BRWD1: variants seen among roughly 807,000 people sequenced by gnomAD.
BRWD1 encodes bromodomain and WD repeat-containing protein 1.
A neutral mutation model predicts 251.2 loss-of-function variants in BRWD1; 82 were observed. That is an observed-to-expected ratio of 0.33 (90% CI 0.27 to 0.39). The LOEUF (loss-of-function observed/expected upper bound fraction) is 0.39. Among genes scored for constraint, BRWD1 ranks in the 10% least tolerant of loss-of-function variants. BRWD1 has a pLI of 1.00. For synonymous variants in BRWD1, 918 were observed against 902.8 expected, an observed-to-expected ratio of 1.02 and a Z score of -0.30; for missense variants, 2,233 against 2,711.6, an observed-to-expected ratio of 0.82 and a Z score of 3.92.
At position 39,210,073 on chromosome 21, in the gene BRWD1, G is replaced by C; in HGVS notation, c.4119C>G (p.Asp1373Glu). 1 of 1,613,474 alleles carries C rather than the reference G, an allele frequency of 6.2e-7. No individual in the cohort carries two copies. Among genetic ancestry groups the C allele is most frequent in the Non-Finnish European group, 8.5e-7 (1 of 1,179,550 alleles). Residue 1373 changes from aspartate to glutamate, a missense_variant, in exon 36 of 41, where the codon GAC (aspartate) becomes GAG (glutamate). Around this residue, in one of 12 missense-constraint regions of BRWD1, gnomAD observed 69 missense variants for 101.6 expected, o/e 0.68. Coordinates refer to ENST00000342449, the MANE Select transcript of BRWD1 (RefSeq NM_033656.4). ...TGTCTTTGCAAAACTCCAAAGGGCT[G>C]TCATAATTTCCCGCATCTAGAGTTT... is the stretch of plus-strand genomic sequence containing the variant. ...VRETLDAGNY[D>E]SPLEFCKDIR...
rs1336594189 is a variant in BRWD1 at position 39,228,537 on chromosome 21, T to C, written c.3171A>G (p.Gln1057=). The C allele has an allele frequency of 1.9e-6, 3 of 1,613,338 alleles. No homozygotes were observed. Among genetic ancestry groups the C allele is most frequent in the Non-Finnish European group, 2.5e-6 (3 of 1,179,628 alleles). ...TCCTCTGTCTTGCTTCATCATAAAA[T>C]TGACGCAATACAAGAAAGTCAATAA... is the stretch of plus-strand genomic sequence containing the variant. ...PDVIDFLVLR[Q]FYDEARQRNW... is the part of the protein sequence containing the mutation. The change falls in exon 27 of 41, where the codon CAA becomes CAG. Residue 1057 remains glutamine (Q), a synonymous_variant. Coordinates refer to ENST00000342449, the MANE Select transcript of BRWD1 (RefSeq NM_033656.4).
At chr21:39,272,273 G>A (rs185153476) in intron 13 of BRWD1, among the ~76,000 whole-genome samples, 140 of 145,954 alleles carry the variant, frequency 9.6e-4, no homozygotes, top group African/African-American at 3.4e-3. Context: ...TAACTAACCT[G>A]CACATTGTGC....
chr21:39,261,357 C>T (rs1295168527), intron 17 of BRWD1, among the ~76,000 whole-genome samples: 4 of 152,130 alleles, frequency 2.6e-5, no homozygotes, highest in Non-Finnish European at 4.4e-5. Flanking sequence ...AGTTCAAGTT[C>T]GCAGGAGCCA....
At chr21:39,221,366 A>G (rs377645981) in intron 29 of BRWD1, among the ~76,000 whole-genome samples, 3 of 152,194 alleles carry the variant, frequency 2.0e-5, no homozygotes, top group Non-Finnish European at 4.4e-5. Flanking sequence ...AGCATAGCTA[A>G]TATTTCATAA....
Position 39,192,603 on chromosome 21 carries a change from A to T in BRWD1, c.*3656T>A. ...TAAGAAAACTACAGTATTTGGTGAC[A>T]ACTGCAAGATACCTGATAAATAAAT... On this transcript the variant is annotated 3_prime_UTR_variant, in exon 41 of 41. Transcript: ENST00000342449. 1 of 984,314 alleles carries T rather than the reference A, an allele frequency of 1.0e-6. No individual in the cohort carries two copies. Among genetic ancestry groups the T allele is most frequent in the Non-Finnish European group, 1.2e-6 (1 of 828,966 alleles). 61.0% of individuals were successfully genotyped at this position (984,314 alleles called of 1,614,324 possible).
chr21:39,283,746 G>A (rs946424345), intron 8 of BRWD1, among the ~76,000 whole-genome samples: 3 of 152,080 alleles, frequency 2.0e-5, no homozygotes, highest in Non-Finnish European at 4.4e-5. Context: ...TTTCTAAATA[G>A]CAACATTTCA....
chr21:39,318,463 A>G (rs1295936186), upstream of BRWD1, among the ~76,000 whole-genome samples: 1 of 152,190 alleles, frequency 6.6e-6, no homozygotes, highest in Non-Finnish European at 1.5e-5. Context: ...TGTACACACA[A>G]CATCAGCATA....
intron 10 of BRWD1, among the ~76,000 whole-genome samples, chr21:39,277,864 C>T (rs1034925850): frequency 1.3e-5 from 2 of 151,594 alleles, no homozygotes; most frequent in African/African-American, 4.9e-5. Flanking sequence ...GCTGGTGGGG[C>T]GGGGAACATG....
intron 37 of BRWD1, among the ~76,000 whole-genome samples, chr21:39,203,452 T>C (rs934151191): frequency 7.1e-6 from 1 of 140,264 alleles, no homozygotes; most frequent in African/African-American, 2.7e-5. Flanking sequence ...TTTTTTTTTT[T>C]TTTTTTTTTT....
intron 5 of BRWD1, 185 bp from the exon 6 acceptor site, chr21:39,296,548 A>G: frequency 8.1e-7 from 1 of 1,232,702 alleles, no homozygotes; most frequent in South Asian, 3.6e-5. Flanking sequence ...AAGACATCTC[A>G]GATACAGCAG....
At chr21:39,255,214 C>G (rs1327265216) in intron 19 of BRWD1, among the ~76,000 whole-genome samples, 1 of 151,994 alleles carries the variant, frequency 6.6e-6, no homozygotes, top group South Asian at 2.1e-4. Flanking sequence ...AGTTCGAGAC[C>G]AGCCTGGCCA....
chr21:39,194,484 G>A lies in BRWD1; in HGVS notation c.*1775C>T. On this transcript the variant is annotated 3_prime_UTR_variant, in exon 41 of 41. Coordinates refer to ENST00000342449, the MANE Select transcript of BRWD1 (RefSeq NM_033656.4). ...TCTGTTTACTATCTACTTAACACAAGTTCTGAGAAGAAAAGCATCATAGTT... is the reference window on the plus strand; with the variant it reads ...TCTGTTTACTATCTACTTAACACAAATTCTGAGAAGAAAAGCATCATAGTT... 7.1e-7 allele frequency: 1 copy of A among 1,406,452 alleles called. No individual in the cohort carries two copies. Among genetic ancestry groups the A allele is most frequent in the East Asian group, 2.6e-5 (1 of 38,602 alleles). The allele number at this position is 1,406,452 out of a possible 1,614,324, so 87.1% of individuals were successfully genotyped here.
At chr21:39,216,051 A>C (rs1480970051) in intron 31 of BRWD1, among the ~76,000 whole-genome samples, 6 of 152,202 alleles carry the variant, frequency 3.9e-5, no homozygotes, top group Admixed American at 6.5e-5. Context: ...CACTGTAAAC[A>C]ATCAAGTGGT....
chr21:39,187,851 G>C lies in BRWD1; in HGVS notation c.*8408C>G, dbSNP rs541328433. Reference sequence around the variant, plus strand: ...GCTTTAAGGAACCAAAAAGTGCAGAGTGCTATGAGAACACAGACTGGAAAC... The same window carrying C: ...GCTTTAAGGAACCAAAAAGTGCAGACTGCTATGAGAACACAGACTGGAAAC... On this transcript the variant is annotated 3_prime_UTR_variant, in exon 41 of 41. Coordinates refer to ENST00000342449, the MANE Select transcript of BRWD1 (RefSeq NM_033656.4). 12 of 984,776 alleles carry C rather than the reference G, an allele frequency of 1.2e-5. 2 individuals are homozygous for C. The African/African-American group carries it at 1.7e-4, about 14-fold the overall frequency. The allele number at this position is 984,776 out of a possible 1,614,324, so 61.0% of individuals were successfully genotyped here. A position where few individuals can be genotyped will look rare whatever the true frequency, so the allele number is the denominator to read the frequency against.
rs1233706487 is a variant in BRWD1, at chr21:39,305,343, TAAACA to T, written c.199-6766_199-6762del. On this transcript the variant is annotated intron_variant, in intron 4 of 40. Transcript: ENST00000342449. ...CATAAGGATACATATGATCTGAAAA[TAAACA>T]AGTCACTCAACTTTTATCCCTTAGA... Among the ~76,000 whole-genome samples the T allele has an allele frequency of 9.2e-5, 14 of 152,238 alleles. No individual in the cohort carries two copies. In the East Asian group the frequency reaches 1.7e-3, roughly 19 times the overall value.
At position 39,190,399 on chromosome 21, in the gene BRWD1, GA is replaced by G. The variant is rs1321496267; in HGVS notation, c.*5859del. The G allele has an allele frequency of 5.1e-6, 5 of 985,140 alleles. No individual in the cohort carries two copies. The highest frequency in any genetic ancestry group is 6.0e-6 in the Non-Finnish European group (5 of 829,864). 61.0% of individuals were successfully genotyped at this position (985,140 alleles called of 1,614,324 possible). On this transcript the variant is annotated 3_prime_UTR_variant, in exon 41 of 41. Transcript: ENST00000342449. The stretch of plus-strand genomic sequence containing the variant: ...GCATTTAAAACAGATTTGAGAATGA[GA>G]AAAGAATGTCTGACTCAAAATGAAA...
At position 39,187,731 on chromosome 21, in the gene BRWD1, A is replaced by G; in HGVS notation, c.*8528T>C. 1 of 985,018 alleles carries G rather than the reference A, an allele frequency of 1.0e-6. No individual in the cohort carries two copies. The highest frequency in any genetic ancestry group is 4.7e-5 in the South Asian group (1 of 21,286). The allele number at this position is 985,018 out of a possible 1,614,324, so 61.0% of individuals were successfully genotyped here. A position where few individuals can be genotyped will look rare whatever the true frequency, so the allele number is the denominator to read the frequency against. ...TATATGAGCATTTTACATAATTTGAATTACTAAATCTTAACTTCATTGTTC... is the reference window on the plus strand; with the variant it reads ...TATATGAGCATTTTACATAATTTGAGTTACTAAATCTTAACTTCATTGTTC... On this transcript the variant is annotated 3_prime_UTR_variant, in exon 41 of 41. Coordinates refer to ENST00000342449, the MANE Select transcript of BRWD1 (RefSeq NM_033656.4).
chr21:39,228,204 C>T (rs531112914), intron 27 of BRWD1, among the ~76,000 whole-genome samples: 7 of 152,234 alleles, frequency 4.6e-5, no homozygotes, highest in Non-Finnish European at 8.8e-5. Context: ...AAGAGAATCG[C>T]TTGAACTTTG....
rs961777020 is a variant in BRWD1 at position 39,313,058 on chromosome 21, G to A, written c.138+14C>T. 2.7e-5 allele frequency: 38 copies of A among 1,396,102 alleles called. No individual in the cohort carries two copies. Among genetic ancestry groups the A allele is most frequent in the South Asian group, 4.7e-5 (3 of 64,324 alleles). The allele number at this position is 1,396,102 out of a possible 1,614,324, so 86.5% of individuals were successfully genotyped here. ...GAGGAACCCGAGGGAGCGCGGGGAC[G>A]GGCGCGCACAGACCTGGTACTGCTC... On this transcript the variant is annotated intron_variant, in intron 3 of 40. Coordinates refer to ENST00000342449, the MANE Select transcript of BRWD1 (RefSeq NM_033656.4).
Sources: gnomAD v4.1 joint callset for allele counts (sites outside exome capture counted in the v4.1 genomes callset) on GRCh38, gnomAD v4.1.1 for gene constraint, gnomAD v4.1.1 regional missense constraint, MANE v1.5 for transcripts, NCBI Gene and HGNC (gene_info 2026-07-23, HGNC 2026-07-21) for gene names.